Variants in CTNNA2 observed in about 807,000 individuals in gnomAD.
CTNNA2 encodes the protein catenin alpha-2.
A neutral mutation model predicts 101.0 loss-of-function variants in CTNNA2; 42 were observed. The ratio of observed to expected loss-of-function variants is 0.42; its 90% confidence interval spans 0.32 to 0.54. The LOEUF is 0.54. Among genes scored for constraint, CTNNA2 ranks in the 20% least tolerant of loss-of-function variants. CTNNA2 has a pLI of 0.14. For missense variants in CTNNA2, 871 were observed against 1,223.1 expected (o/e 0.71, Z 4.29); for synonymous variants, 450 against 456.4 (o/e 0.99, Z 0.18).
chr2:80,232,975 G>T (rs1709343786), intron 7 of CTNNA2, among the ~76,000 whole-genome samples: 1 of 152,090 alleles, frequency 6.6e-6, no homozygotes, highest in South Asian at 2.1e-4. Context: ...TCACTTGCTG[G>T]TTAAGTGACC....
chr2:79,663,978 A>G (rs569641868), intron 2 of CTNNA2, among the ~76,000 whole-genome samples: 1 of 152,326 alleles, frequency 6.6e-6, no homozygotes, highest in East Asian at 1.9e-4. Context: ...ATGTTGCAGT[A>G]TTTGTTTTAC....
At chr2:79,827,971 G>A (rs1574072700) in intron 3 of CTNNA2, among the ~76,000 whole-genome samples, 1 of 152,120 alleles carries the variant, frequency 6.6e-6, no homozygotes, top group East Asian at 1.9e-4. Flanking sequence ...GAAACATCAT[G>A]TTCTTGAGTC....
intron 1 of CTNNA2, among the ~76,000 whole-genome samples, chr2:79,575,787 A>G (rs1675757109): frequency 6.6e-6 from 1 of 152,216 alleles, no homozygotes; most frequent in Non-Finnish European, 1.5e-5. Flanking sequence ...ACCAATGGAA[A>G]GAGCCTGCTT....
intron 1 of CTNNA2, among the ~76,000 whole-genome samples, chr2:79,621,791 A>C (rs1363101234): frequency 6.6e-6 from 1 of 152,206 alleles, no homozygotes; most frequent in African/African-American, 2.4e-5. Flanking sequence ...ATTCAACACC[A>C]GTAGTGATGA....
chr2:80,508,842 G>C (rs886931704), intron 9 of CTNNA2, among the ~76,000 whole-genome samples: 1 of 152,148 alleles, frequency 6.6e-6, no homozygotes, highest in Non-Finnish European at 1.5e-5. Flanking sequence ...ATCTGACATG[G>C]TCTCCCCTCG....
chr2:79,316,869 T>C (rs58954512), intron 3 of CTNNA2, among the ~76,000 whole-genome samples: 4 of 151,936 alleles, frequency 2.6e-5, no homozygotes, highest in African/African-American at 9.7e-5. Flanking sequence ...ATTTTACTTA[T>C]TTTCAAATTT....
At chr2:80,243,028 AG>A (rs1671057994) in intron 7 of CTNNA2, among the ~76,000 whole-genome samples, 1 of 152,218 alleles carries the variant, frequency 6.6e-6, no homozygotes, top group African/African-American at 2.4e-5. Flanking sequence ...GTCAAGAGCT[AG>A]AGGGTGACTC....
chr2:79,356,433 A>G (rs1573114641), intron 3 of CTNNA2, among the ~76,000 whole-genome samples: 1 of 152,290 alleles, frequency 6.6e-6, no homozygotes, highest in Non-Finnish European at 1.5e-5. Flanking sequence ...GCCCTTTAAT[A>G]AACAAAAGTT....
intron 1 of CTNNA2, among the ~76,000 whole-genome samples, chr2:79,513,869 T>C (rs1234377369): frequency 3.3e-5 from 5 of 152,096 alleles, no homozygotes. Context: ...CAGCCTTCCC[T>C]GCTTTGATTG....
chr2:79,628,170 G>C (rs1040353360), intron 1 of CTNNA2, among the ~76,000 whole-genome samples: 3 of 152,116 alleles, frequency 2.0e-5, no homozygotes, highest in African/African-American at 7.2e-5. Flanking sequence ...TGGTGAGGTT[G>C]GCCAGGCATG....
chr2:79,632,738 T>G (rs1679774736), intron 1 of CTNNA2, among the ~76,000 whole-genome samples: 1 of 152,224 alleles, frequency 6.6e-6, no homozygotes, highest in African/African-American at 2.4e-5. Context: ...TCACAATGAT[T>G]GGGGCATCCA....
intron 9 of CTNNA2, among the ~76,000 whole-genome samples, chr2:80,529,658 T>TG (rs1690354395): frequency 6.6e-6 from 1 of 152,146 alleles, no homozygotes; most frequent in East Asian, 1.9e-4. Context: ...GGCAACAGCC[T>TG]GGGGTTAAAT....
intron 2 of CTNNA2, among the ~76,000 whole-genome samples, chr2:79,214,537 T>C (rs989964247): frequency 2.0e-5 from 3 of 152,106 alleles, no homozygotes; most frequent in Non-Finnish European, 4.4e-5. Context: ...TTAATCCTTT[T>C]AAAGCGTGCT....
chr2:79,341,028 A>G (rs1441733536), intron 3 of CTNNA2, among the ~76,000 whole-genome samples: 1 of 151,548 alleles, frequency 6.6e-6, no homozygotes, highest in South Asian at 2.1e-4. Context: ...AACGCTACAT[A>G]TATATATATA....
At chr2:79,280,651 GTGTGT>G in intron 2 of CTNNA2, among the ~76,000 whole-genome samples, 1 of 140,412 alleles carries the variant, frequency 7.1e-6, no homozygotes, top group African/African-American at 2.9e-5. Flanking sequence ...GTGTGTGTGT[GTGTGT>G]AAGAGAAAGA....
chr2:80,496,271 A>C (rs926508326), intron 9 of CTNNA2, among the ~76,000 whole-genome samples: 3 of 152,062 alleles, frequency 2.0e-5, no homozygotes, highest in African/African-American at 7.2e-5. Flanking sequence ...ATATAGACAA[A>C]TTTCTCTTCT....
At chr2:79,810,280 T>TCTTACATCACAGTTGGCGAGTTGC (rs1676905360) in intron 3 of CTNNA2, among the ~76,000 whole-genome samples, 2 of 151,784 alleles carry the variant, frequency 1.3e-5, no homozygotes, top group Non-Finnish European at 2.9e-5. Context: ...AGGCAAAAGG[T>TCTTACATCACAGTTGGCGAGTTGC]CTTACATCAC....
chr2:79,267,447 T>A (rs1157732739), intron 2 of CTNNA2, among the ~76,000 whole-genome samples: 3 of 152,094 alleles, frequency 2.0e-5, no homozygotes, highest in Non-Finnish European at 2.9e-5. Flanking sequence ...ACTAATCATA[T>A]TAATGAGAGG....
chr2:80,452,678 T>C (rs567400937), intron 9 of CTNNA2, among the ~76,000 whole-genome samples: 2 of 151,612 alleles, frequency 1.3e-5, no homozygotes, highest in Non-Finnish European at 2.9e-5. Flanking sequence ...TTCTTGCAGG[T>C]TGGGTTGGGG....
Sources: allele counts gnomAD v4.1 joint callset (sites outside exome capture counted in the v4.1 genomes callset), GRCh38; gene constraint gnomAD v4.1.1; transcripts MANE v1.5; gene names NCBI Gene and HGNC (gene_info 2026-07-23, HGNC 2026-07-21).